The following UGT1A4 variants were observed in gnomAD, a reference collection of about 807,000 sequenced individuals.
The protein encoded by UGT1A4 is UDP-glucuronosyltransferase 1A4.
Under a neutral mutation model 41.1 loss-of-function variants are expected in UGT1A4, and 32 were observed. The ratio of observed to expected loss-of-function variants is 0.78; its 90% CI spans 0.59 to 1.05. UGT1A4 has a LOEUF of 1.05. Ranked by LOEUF, UGT1A4 falls within the 50% of genes least tolerant of loss-of-function variation. The pLI, the probability that UGT1A4 is intolerant of heterozygous loss-of-function variation, is 0.00. For synonymous variants in UGT1A4, 283 were observed against 265.1 expected (o/e 1.07, Z -0.66); for missense variants, 748 against 677.4 (o/e 1.10, Z -1.16).
At chr2:233,754,857 G>A (rs184077420) in intron 1 of UGT1A4, 3 of 1,349,946 alleles carry the variant, frequency 2.2e-6, no homozygotes, top group East Asian at 9.1e-5. Flanking sequence ...GAAAAGGGGT[G>A]CAGACCCTCT....
Position 233,720,480 on chromosome 2 carries a change from G to GTCCAAGAAGGGACTTCTGGTGAGGA in UGT1A4, c.867+805_867+806insCTTCTGGTGAGGATCCAAGAAGGGA, listed in dbSNP as rs2076862998. Among the ~76,000 whole-genome samples the GTCCAAGAAGGGACTTCTGGTGAGGA allele has an allele frequency of 3.3e-5, 5 of 152,228 alleles. No individual in the cohort carries two copies. In the South Asian group the frequency reaches 1.0e-3, roughly 32 times the overall value. ...TGGGACCAGTGATGAATGGACATGT[G>GTCCAAGAAGGGACTTCTGGTGAGGA]TCCAAGAAGGGAAGTGTTTCTCAGG... On this transcript the variant is annotated intron_variant, in intron 1 of 4. Transcript: ENST00000373409.
rs547148364 is a variant in UGT1A4 at position 233,757,849 on chromosome 2, T to G, written c.868-9185T>G. 5.3e-5 allele frequency among the ~76,000 whole-genome samples: 8 copies of G among 152,118 alleles called. No individual in the cohort carries two copies. The East Asian group carries it at 1.5e-3, about 29-fold the overall frequency. On this transcript the variant is annotated intron_variant, in intron 1 of 4. Coordinates refer to ENST00000373409, the MANE Select transcript of UGT1A4 (RefSeq NM_007120.3). The stretch of plus-strand genomic sequence containing the variant: ...TGATGGTGGCCTACTAACTTATGTC[T>G]TCAGCTTAAAAAGAAAGTAGCTTCA...
chr2:233,745,008 A>G (rs552050904), intron 1 of UGT1A4, among the ~76,000 whole-genome samples: 2 of 151,846 alleles, frequency 1.3e-5, no homozygotes, highest in Non-Finnish European at 2.9e-5. Flanking sequence ...TTACCTAATA[A>G]ATGTAAATGC....
At chr2:233,726,524 T>C (rs1232953438) in intron 1 of UGT1A4, among the ~76,000 whole-genome samples, 1 of 152,258 alleles carries the variant, frequency 6.6e-6, no homozygotes, top group East Asian at 1.9e-4. Flanking sequence ...TTTTCCACTT[T>C]TAGGGAGATG....
At chr2:233,748,159 A>G (rs963522217) in intron 1 of UGT1A4, 2 of 1,598,928 alleles carry the variant, frequency 1.3e-6, no homozygotes, top group African/African-American at 1.4e-5. Context: ...AATTGCTTCC[A>G]TATCTACTTA....
At position 233,772,525 on chromosome 2, in the gene UGT1A4, G is replaced by T; in HGVS notation, c.1571G>T (p.Arg524Leu). The change falls in exon 5 of 5, where the codon CGA becomes CTA. Residue 524 changes from arginine (R) to leucine (L), a missense_variant. Arg to Leu is a moderately radical substitution (Grantham distance 102). Transcript: ENST00000373409. ...CGGAAATGCTTGGGGAAAAAAGGGCGAGTTAAGAAAGCCCACAAATCCAAG... is the reference window on the plus strand; with the variant it reads ...CGGAAATGCTTGGGGAAAAAAGGGCTAGTTAAGAAAGCCCACAAATCCAAG... ...GYRKCLGKKGRVKKAHKSKTH is the reference protein window; with the variant it reads ...GYRKCLGKKGLVKKAHKSKTH 6.2e-6 allele frequency: 10 copies of T among 1,614,136 alleles called. No individual in the cohort carries two copies. The highest frequency in any genetic ancestry group is 8.5e-6 in the Non-Finnish European group (10 of 1,180,024).
chr2:233,733,382 G>A (rs1164801978), intron 1 of UGT1A4, among the ~76,000 whole-genome samples: 3 of 152,128 alleles, frequency 2.0e-5, no homozygotes, highest in African/African-American at 7.2e-5. Context: ...TCCTTGTTTT[G>A]TGCCAGTTTT....
chr2:233,747,843 G>C, intron 1 of UGT1A4: 1 of 1,613,470 alleles, frequency 6.2e-7, no homozygotes, highest in African/African-American at 1.3e-5. Context: ...CCTGCAAAGG[G>C]TCAAGAACAT....
intron 1 of UGT1A4, among the ~76,000 whole-genome samples, chr2:233,751,264 C>T (rs796592770): frequency 6.6e-6 from 1 of 151,872 alleles, no homozygotes; most frequent in East Asian, 1.9e-4. Context: ...CTGTAGCCCC[C>T]TTTTTTTGGC....
intron 1 of UGT1A4, among the ~76,000 whole-genome samples, chr2:233,732,885 A>G (rs1356305155): frequency 6.6e-6 from 1 of 150,402 alleles, no homozygotes; most frequent in Non-Finnish European, 1.5e-5. Flanking sequence ...CATTGAATCT[A>G]TAAATTACCT....
chr2:233,757,560 A>ATATATATATATATATATATATATATGTG (rs904896556), intron 1 of UGT1A4, among the ~76,000 whole-genome samples: 2 of 123,156 alleles, frequency 1.6e-5, no homozygotes, highest in African/African-American at 6.8e-5. Context: ...ATATATATAT[A>ATATATATATATATATATATATATATGTG]TGTATATATG....
chr2:233,727,816 A>G (rs759645481), intron 1 of UGT1A4, among the ~76,000 whole-genome samples: 3 of 152,170 alleles, frequency 2.0e-5, no homozygotes, highest in Non-Finnish European at 4.4e-5. Context: ...GTTCTGTCCA[A>G]AGGTGGAATC....
chr2:233,757,561 T>TATATATATATATATATATATATATATAA (rs71058576), intron 1 of UGT1A4, among the ~76,000 whole-genome samples: 1 of 121,180 alleles, frequency 8.3e-6, no homozygotes, highest in Admixed American at 7.9e-5. Context: ...TATATATATA[T>TATATATATATATATATATATATATATAA]GTATATATGA....
At position 233,769,609 on chromosome 2, in the gene UGT1A4, C is replaced by A. The variant is rs776582226; in HGVS notation, c.1307+1170C>A. On this transcript the variant is annotated intron_variant, in intron 4 of 4. Coordinates refer to ENST00000373409, the MANE Select transcript of UGT1A4 (RefSeq NM_007120.3). The surrounding 1 kb of genome is among the most constrained non-coding windows in gnomAD (Gnocchi z 4.4). Reference sequence around the variant, plus strand: ...AGAGGAGACGGAACACGGGGACACACCAGCTTGAGCAAGGGACAACAGGGG... The same window carrying A: ...AGAGGAGACGGAACACGGGGACACAACAGCTTGAGCAAGGGACAACAGGGG... The A allele has an allele frequency of 4.3e-6, 7 of 1,612,634 alleles. No individual in the cohort carries two copies. The highest frequency in any genetic ancestry group is 1.7e-4 in the Middle Eastern group (1 of 6,054).
In UGT1A4 at chr2:233,772,876, C is replaced by T. The variant is rs906785821; in HGVS notation, c.*317C>T. The T allele has an allele frequency of 2.8e-5, 17 of 598,574 alleles. No homozygotes were observed. The highest frequency in any genetic ancestry group is 1.0e-4 in the East Asian group (2 of 19,556). 37.1% of individuals were successfully genotyped at this position (598,574 alleles called of 1,614,324 possible). ...CTGAAACATGGCCTGTTTGGGAGTG[C>T]GGGATTCAAAGGTGGTCCCACGGCT... On this transcript the variant is annotated 3_prime_UTR_variant, in exon 5 of 5. Coordinates refer to ENST00000373409, the MANE Select transcript of UGT1A4 (RefSeq NM_007120.3).
intron 1 of UGT1A4, chr2:233,747,527 T>C: frequency 6.2e-7 from 1 of 1,605,936 alleles, no homozygotes; most frequent in Non-Finnish European, 8.5e-7. Flanking sequence ...AAACAGAACA[T>C]TTTCTGAAGA....
At chr2:233,742,781 C>A (rs550270409) in intron 1 of UGT1A4, 1 of 153,010 alleles carries the variant, frequency 6.5e-6, no homozygotes, top group African/African-American at 2.4e-5. Context: ...TTGTTTTGAA[C>A]CATCATTAAA....
rs549328655 is a variant in UGT1A4 at position 233,768,346 on chromosome 2, T to C, written c.1214T>C (p.Met405Thr). 31 of 1,614,146 alleles carry C rather than the reference T, an allele frequency of 1.9e-5. No individual in the cohort carries two copies. Among genetic ancestry groups the C allele is most frequent in the Non-Finnish European group, 2.5e-5 (30 of 1,180,016 alleles). ...GATCAGATGGACAATGCAAAGCGCA[T>C]GGAGACTAAGGGAGCTGGAGTGACC... ...FGDQMDNAKR[M>T]ETKGAGVTLN... Residue 405 changes from methionine to threonine, a missense_variant, in exon 4 of 5, where the codon ATG becomes ACG. Physicochemically the swap from Met to Thr is moderately conservative, Grantham distance 81 (BLOSUM62 -1). Transcript: ENST00000373409.
At chr2:233,727,897 G>A (rs1306526178) in intron 1 of UGT1A4, among the ~76,000 whole-genome samples, 1 of 152,194 alleles carries the variant, frequency 6.6e-6, no homozygotes, top group Non-Finnish European at 1.5e-5. Flanking sequence ...GACACGGCCA[G>A]GCAAGAAGAC....
Sources: allele counts gnomAD v4.1 joint callset (sites outside exome capture counted in the v4.1 genomes callset), GRCh38; gene constraint gnomAD v4.1.1; non-coding constraint Gnocchi (gnomAD v3.1); transcripts MANE v1.5; gene names NCBI Gene and HGNC (gene_info 2026-07-23, HGNC 2026-07-21).